The following STPG2 variants were observed in gnomAD, a reference collection of about 807,000 sequenced individuals.
STPG2 encodes sperm tail PG-rich repeat containing 2.
STPG2 carries 56 observed loss-of-function variants against 54.2 expected under a neutral mutation model. The observed-to-expected ratio is 1.03, with a 90% CI of 0.83 to 1.29. The LOEUF is 1.29. STPG2 is among the 50% of genes most tolerant of loss of function. The pLI is 0.00. For synonymous variants in STPG2, 200 were observed against 181.8 expected, an observed-to-expected ratio of 1.10 and a Z score of -0.81; for missense variants, 596 against 544.9, an observed-to-expected ratio of 1.09 and a Z score of -0.93.
intron 9 of STPG2, among the ~76,000 whole-genome samples, chr4:97,801,500 C>T (rs187324338): frequency 3.3e-5 from 5 of 152,288 alleles, no homozygotes; most frequent in East Asian, 3.9e-4. Context: ...ACTTGCACAA[C>T]GATTTCTTTT....
chr4:97,504,548 T>A (rs548978039), intron 4 of STPG2, among the ~76,000 whole-genome samples: 1 of 151,974 alleles, frequency 6.6e-6, no homozygotes, highest in South Asian at 2.1e-4. Context: ...CTAAGCTATG[T>A]TCCATATAAC....
chr4:98,095,945 G>A (rs1738845183), intron 5 of STPG2, among the ~76,000 whole-genome samples: 1 of 152,092 alleles, frequency 6.6e-6, no homozygotes. Context: ...TCAAAAAAAT[G>A]AAATCATATC....
chr4:97,885,675 T>A (rs1029375259), intron 8 of STPG2, among the ~76,000 whole-genome samples: 2 of 152,198 alleles, frequency 1.3e-5, no homozygotes, highest in African/African-American at 4.8e-5. Context: ...AAAATACTAT[T>A]CATGGATGTG....
At chr4:97,500,693 G>A (rs1578346026) in intron 4 of STPG2, among the ~76,000 whole-genome samples, 1 of 152,032 alleles carries the variant, frequency 6.6e-6, no homozygotes, top group African/African-American at 2.4e-5. Context: ...GATGACTCAA[G>A]TAAGAATGAG....
intron 10 of STPG2, among the ~76,000 whole-genome samples, chr4:97,562,803 C>T (rs889323473): frequency 1.2e-4 from 18 of 152,070 alleles, no homozygotes; most frequent in South Asian, 2.1e-4. Context: ...CACTTGATCA[C>T]GGTGGATAAG....
chr4:98,021,384 C>G (rs1308938805), intron 5 of STPG2, among the ~76,000 whole-genome samples: 2 of 144,524 alleles, frequency 1.4e-5, no homozygotes, highest in Non-Finnish European at 3.0e-5. Flanking sequence ...GTCTGAGAGA[C>G]AGTTCGTTAT....
intron 5 of STPG2, among the ~76,000 whole-genome samples, chr4:98,102,564 C>T (rs905922876): frequency 6.6e-6 from 1 of 151,876 alleles, no homozygotes; most frequent in African/African-American, 2.4e-5. Flanking sequence ...CTGTTTATGC[C>T]TTGGGTCCCT....
intron 10 of STPG2, among the ~76,000 whole-genome samples, chr4:97,563,027 C>T (rs1247019843): frequency 6.6e-6 from 1 of 152,076 alleles, no homozygotes; most frequent in East Asian, 1.9e-4. Context: ...GTACCAGTTC[C>T]TCCTTGTACC....
chr4:98,087,560 C>CTTTTTTTTTTT (rs70955916), intron 5 of STPG2, among the ~76,000 whole-genome samples: 1 of 132,284 alleles, frequency 7.6e-6, no homozygotes, highest in African/African-American at 2.9e-5. Flanking sequence ...CTCTTTTTTT[C>CTTTTTTTTTTT]TTTTTTTTTT....
chr4:97,935,004 T>C (rs952038992), intron 8 of STPG2, among the ~76,000 whole-genome samples: 6 of 152,212 alleles, frequency 3.9e-5, no homozygotes, highest in African/African-American at 1.4e-4. Flanking sequence ...TTTTGGTTGA[T>C]AGGCTATTTA....
chr4:97,918,251 A>T (rs1731961564), intron 8 of STPG2, among the ~76,000 whole-genome samples: 1 of 152,188 alleles, frequency 6.6e-6, no homozygotes, highest in South Asian at 2.1e-4. Context: ...AGTTCATAAA[A>T]ATAGACTTCA....
intron 9 of STPG2, among the ~76,000 whole-genome samples, chr4:97,793,503 A>C (rs1222791067): frequency 1.3e-5 from 2 of 152,038 alleles, no homozygotes; most frequent in African/African-American, 4.8e-5. Context: ...TGCCCAGTAC[A>C]CAATATGTAC....
intron 8 of STPG2, among the ~76,000 whole-genome samples, chr4:97,843,539 T>G (rs1728861411): frequency 6.6e-6 from 1 of 151,920 alleles, no homozygotes. Context: ...TTAATATCTT[T>G]ATTGGGTATA....
intron 10 of STPG2, among the ~76,000 whole-genome samples, chr4:97,679,176 T>C (rs1483612255): frequency 6.6e-6 from 1 of 152,318 alleles, no homozygotes; most frequent in South Asian, 2.1e-4. Flanking sequence ...GTATTTCTAG[T>C]TCTAGATCCC....
intron 8 of STPG2, among the ~76,000 whole-genome samples, chr4:97,900,879 A>G (rs1409388531): frequency 3.9e-5 from 6 of 151,978 alleles, no homozygotes; most frequent in South Asian, 4.1e-4. Context: ...CTGTGACACA[A>G]GTTTACCTAT....
intron 4 of STPG2, among the ~76,000 whole-genome samples, chr4:97,457,881 A>C (rs1729567984): frequency 6.6e-6 from 1 of 152,256 alleles, no homozygotes; most frequent in Admixed American, 6.5e-5. Context: ...TGGCTTAAAT[A>C]ACCATGATGA....
At chr4:97,822,929 A>G (rs1260067063) in intron 9 of STPG2, among the ~76,000 whole-genome samples, 1 of 152,202 alleles carries the variant, frequency 6.6e-6, no homozygotes, top group East Asian at 1.9e-4. Flanking sequence ...TCCTTAAACC[A>G]AAGCATAACC....
intron 8 of STPG2, among the ~76,000 whole-genome samples, chr4:97,887,279 T>C (rs900324281): frequency 2.6e-5 from 4 of 152,104 alleles, no homozygotes; most frequent in Admixed American, 6.5e-5. Flanking sequence ...GAGGGAAATT[T>C]TAGAAATTAC....
At chr4:97,612,009 T>C (rs1191714091) in intron 10 of STPG2, among the ~76,000 whole-genome samples, 1 of 151,802 alleles carries the variant, frequency 6.6e-6, no homozygotes, top group Non-Finnish European at 1.5e-5. Context: ...AAGTAAGTTA[T>C]AAAATATTTG....
Sources: allele counts gnomAD v4.1 joint callset (sites outside exome capture counted in the v4.1 genomes callset), GRCh38; gene constraint gnomAD v4.1.1; transcripts MANE v1.5; gene names NCBI Gene and HGNC (gene_info 2026-07-23, HGNC 2026-07-21).